Variants in DMD observed in about 807,000 individuals in gnomAD.
DMD encodes mutant dystrophin.
A neutral mutation model predicts 330.1 loss-of-function variants in DMD; 63 were observed. The observed-to-expected ratio is 0.19, with a 90% CI of 0.16 to 0.24. The LOEUF is 0.24. Ranked by LOEUF, DMD falls within the 10% of genes least tolerant of loss-of-function variation. DMD has a pLI of 1.00. For synonymous variants in DMD, 1,223 were observed against 959.8 expected (o/e 1.27, Z -5.07); for missense variants, 3,344 against 2,684.1 (o/e 1.25, Z -5.43).
At chrX:31,388,294 C>T (rs771204836) in intron 60 of DMD, among the ~76,000 whole-genome samples, 9 of 110,764 alleles carry the variant, frequency 8.1e-5, no homozygotes, top group African/African-American at 2.3e-4. Context: ...TGAGCCACCA[C>T]GCCCGGCCTA....
chrX:31,542,979 C>A (rs1603347772), intron 55 of DMD, among the ~76,000 whole-genome samples: 1 of 111,358 alleles, frequency 9.0e-6, no homozygotes, highest in South Asian at 3.8e-4. Flanking sequence ...TACATGTGGC[C>A]ACAGGGCAGA....
At chrX:32,295,701 AG>A (rs777869135) in intron 42 of DMD, among the ~76,000 whole-genome samples, 2 of 112,068 alleles carry the variant, frequency 1.8e-5, no homozygotes, top group Non-Finnish European at 3.8e-5. Flanking sequence ...GAAACAAACA[AG>A]GGACCTATTT....
chrX:31,968,834 T>C (rs1053705122), intron 44 of DMD, among the ~76,000 whole-genome samples: 1 of 111,946 alleles, frequency 8.9e-6, no homozygotes, highest in Non-Finnish European at 1.9e-5. Context: ...TTCGATTTCT[T>C]GTCCCCACAA....
intron 45 of DMD, 145 bp downstream of exon 45, chrX:31,968,194 C>A: frequency 1.6e-6 from 1 of 630,398 alleles, no homozygotes; most frequent in Non-Finnish European, 2.4e-6. Flanking sequence ...TAAAAAATTT[C>A]TTTACTGCTG....
chrX:31,408,144 T>C (rs754402755), intron 60 of DMD, among the ~76,000 whole-genome samples: 15 of 111,995 alleles, frequency 1.3e-4, no homozygotes, highest in South Asian at 1.1e-3. Context: ...TCCAGCCCTG[T>C]TGTTTCAGCA....
intron 17 of DMD, among the ~76,000 whole-genome samples, chrX:32,530,757 T>C (rs1339072766): frequency 8.9e-6 from 1 of 111,947 alleles, no homozygotes; most frequent in Non-Finnish European, 1.9e-5. Flanking sequence ...TCATTTTCAA[T>C]AAATTGAAAG....
chrX:32,295,664 GC>G (rs1044232564), intron 42 of DMD, among the ~76,000 whole-genome samples: 1 of 111,958 alleles, frequency 8.9e-6, no homozygotes, highest in African/African-American at 3.2e-5. Flanking sequence ...AAAAGGAGAA[GC>G]CAGAGAATAC....
rs1363204987 is a variant in DMD at position 33,295,408 on chromosome X, T to A, written c.7+43851A>T. Among the ~76,000 whole-genome samples, 3 of 110,844 alleles carry A rather than the reference T, an allele frequency of 2.7e-5. 1 individual carries two copies. In the South Asian group the frequency reaches 1.1e-3, roughly 42 times the overall value. ...ACACTAAGAATCATAGCTTGAGTTC[T>A]TTCTCACTGAGCTGGTGGTTAAAAT... On this transcript the variant is annotated intron_variant, in intron 1 of 17. Transcript: ENST00000288447.
At chrX:33,146,989 A>AT (rs1309641640) in intron 1 of DMD, among the ~76,000 whole-genome samples, 7 of 109,210 alleles carry the variant, frequency 6.4e-5, no homozygotes, top group Admixed American at 3.9e-4. Flanking sequence ...CACCTGGCTA[A>AT]TTTTTTTATT....
At chrX:31,290,019 C>G (rs984543326) in intron 62 of DMD, among the ~76,000 whole-genome samples, 2 of 108,064 alleles carry the variant, frequency 1.9e-5, no homozygotes, top group Non-Finnish European at 3.8e-5. Context: ...CTCCTGGGTT[C>G]AAGCAATTCT....
At chrX:31,463,441 T>A (rs990124911) in intron 59 of DMD, among the ~76,000 whole-genome samples, 3 of 111,804 alleles carry the variant, frequency 2.7e-5, no homozygotes, top group African/African-American at 9.7e-5. Context: ...TAATTTCAGG[T>A]TGTGTAAGGC....
chrX:32,491,694 T>C (rs925167288), intron 19 of DMD, among the ~76,000 whole-genome samples, 176 bp from the exon 20 acceptor site: 1 of 112,067 alleles, frequency 8.9e-6, no homozygotes, highest in African/African-American at 3.2e-5. Flanking sequence ...TCAATGTGAA[T>C]TATCAGACTT....
intron 41 of DMD, among the ~76,000 whole-genome samples, chrX:32,322,598 A>G (rs1251282858): frequency 9.0e-6 from 1 of 111,475 alleles, no homozygotes; most frequent in Non-Finnish European, 1.9e-5. Flanking sequence ...AAAATAATAA[A>G]CAGGGACACA....
chrX:32,742,294 G>T (rs2069388143), intron 7 of DMD, among the ~76,000 whole-genome samples: 1 of 112,029 alleles, frequency 8.9e-6, no homozygotes, highest in African/African-American at 3.2e-5. Context: ...CTAAAATAAA[G>T]CCAATGTTTT....
intron 57 of DMD, among the ~76,000 whole-genome samples, chrX:31,481,369 G>C (rs1269465485): frequency 2.7e-5 from 3 of 111,873 alleles, no homozygotes; most frequent in African/African-American, 9.7e-5. Context: ...GAATCAGAGA[G>C]ATAATGAGGC....
At chrX:31,801,008 C>T (rs1045761958) in intron 50 of DMD, among the ~76,000 whole-genome samples, 30 of 111,798 alleles carry the variant, frequency 2.7e-4, no homozygotes, top group African/African-American at 9.8e-4. Flanking sequence ...CAACCTGTGC[C>T]TCTTACCCAG....
chrX:32,294,980 A>G (rs778956812), intron 42 of DMD, among the ~76,000 whole-genome samples: 20 of 111,669 alleles, frequency 1.8e-4, no homozygotes, highest in African/African-American at 6.2e-4. Context: ...GAATCACTAT[A>G]GAATATAGCA....
intron 44 of DMD, among the ~76,000 whole-genome samples, chrX:32,149,419 G>A (rs1003178062): frequency 8.9e-6 from 1 of 111,888 alleles, no homozygotes; most frequent in African/African-American, 3.2e-5. Context: ...CATTTCATTC[G>A]TTTTTAAGTC....
intron 62 of DMD, among the ~76,000 whole-genome samples, chrX:31,319,706 A>T (rs759422832): frequency 8.9e-6 from 1 of 112,499 alleles, no homozygotes; most frequent in East Asian, 2.8e-4. Context: ...CCAGTGTGAT[A>T]TTTCTTATGC....
Sources: allele counts gnomAD v4.1 joint callset (sites outside exome capture counted in the v4.1 genomes callset), GRCh38; gene constraint gnomAD v4.1.1; transcripts MANE v1.5; gene names NCBI Gene and HGNC (gene_info 2026-07-23, HGNC 2026-07-21).